Variants in CNDP1 observed in about 807,000 individuals in gnomAD.
CNDP1 encodes the protein carnosine dipeptidase 1, also known as beta-Ala-His dipeptidase.
In CNDP1, 44 loss-of-function variants were observed where a neutral mutation model predicts 58.1. That is an observed-to-expected ratio of 0.76 (90% CI 0.60 to 0.97). The LOEUF (loss-of-function observed/expected upper bound fraction) is 0.97, where lower values mean the gene tolerates loss of function less well. Among genes scored for constraint, CNDP1 ranks in the 50% least tolerant of loss-of-function variants. CNDP1 has a pLI of 0.00. For synonymous variants in CNDP1, 254 were observed against 252.6 expected, an observed-to-expected ratio of 1.01 and a Z score of -0.05; for missense variants, 616 against 655.1, an observed-to-expected ratio of 0.94 and a Z score of 0.65.
intron 2 of CNDP1, among the ~76,000 whole-genome samples, chr18:74,557,742 G>A (rs980786732): frequency 1.3e-5 from 2 of 152,212 alleles, no homozygotes; most frequent in Admixed American, 6.5e-5. Flanking sequence ...GCACAGGACA[G>A]GCATTCAGTA....
chr18:74,543,585 T>C (rs1339833280), intron 1 of CNDP1, among the ~76,000 whole-genome samples: 1 of 151,850 alleles, frequency 6.6e-6, no homozygotes, highest in Non-Finnish European at 1.5e-5. Flanking sequence ...ATCCTGAAAA[T>C]GTAACTAGTT....
chr18:74,555,205 G>C (rs1450099804), intron 1 of CNDP1, among the ~76,000 whole-genome samples: 2 of 152,166 alleles, frequency 1.3e-5, no homozygotes, highest in East Asian at 3.8e-4. Context: ...AAAAATAACA[G>C]AGACAGGCTG....
intron 7 of CNDP1, among the ~76,000 whole-genome samples, chr18:74,573,392 A>G (rs1285849582): frequency 1.7e-5 from 1 of 57,940 alleles, no homozygotes; most frequent in Non-Finnish European, 3.3e-5. Flanking sequence ...CCATTCATCC[A>G]TCCATCTATC....
chr18:74,544,734 A>T (rs915395600), intron 1 of CNDP1, among the ~76,000 whole-genome samples: 1 of 150,672 alleles, frequency 6.6e-6, no homozygotes, highest in African/African-American at 2.4e-5. Flanking sequence ...AAAAAAAAAA[A>T]AAAAAAGGAT....
At chr18:74,581,230 G>GTA (rs1981783472) in intron 10 of CNDP1, among the ~76,000 whole-genome samples, 1 of 129,072 alleles carries the variant, frequency 7.7e-6, no homozygotes, top group Admixed American at 7.1e-5. Flanking sequence ...GTGTGTGTGT[G>GTA]TGTGTGTGTG....
rs187694546 is a variant in CNDP1, at chr18:74,556,985, G to A, written c.153+519G>A. ...GGCTTGAGTGCAGTGGTGAGACCTC[G>A]GCTAACCTCAACTTCCCAGGTTCAG... On this transcript the variant is annotated intron_variant, in intron 2 of 11. Coordinates refer to ENST00000358821, the MANE Select transcript of CNDP1 (RefSeq NM_032649.6). 1.8e-4 allele frequency among the ~76,000 whole-genome samples: 27 copies of A among 149,102 alleles called. No homozygotes were observed. In the East Asian group the frequency reaches 4.6e-3, roughly 25 times the overall value.
chr18:74,543,842 T>G (rs1305009374), intron 1 of CNDP1, among the ~76,000 whole-genome samples: 2 of 152,090 alleles, frequency 1.3e-5, no homozygotes, highest in African/African-American at 4.8e-5. Flanking sequence ...ACTAGCATTT[T>G]GGGAGGCCAA....
intron 7 of CNDP1, among the ~76,000 whole-genome samples, chr18:74,573,191 A>T (rs535490421): frequency 4.9e-4 from 74 of 151,560 alleles, no homozygotes; most frequent in African/African-American, 1.7e-3. Flanking sequence ...TCCATCCATT[A>T]TCTATCTATC....
In CNDP1 at chr18:74,578,168, G is replaced by T. The variant is rs922813317; in HGVS notation, c.1008G>T (p.Glu336Asp). 6.2e-6 allele frequency: 10 copies of T among 1,605,948 alleles called. No individual in the cohort carries two copies. The highest frequency in any genetic ancestry group is 8.5e-6 in the Non-Finnish European group (10 of 1,177,630). ...VEKFLFDTKE[E>D]ILMHLWRYPS... ...ATAATTTTATTTTAATATAGGAGGA[G>T]ATTCTAATGCACCTCTGGAGGTACC... Residue 336 changes from glutamate (E) to aspartate (D), a missense_variant, in exon 9 of 12, where the codon GAG (glutamate) becomes GAT (aspartate). Transcript: ENST00000358821.
intron 1 of CNDP1, among the ~76,000 whole-genome samples, chr18:74,554,743 T>G (rs1257226709): frequency 2.0e-5 from 3 of 152,042 alleles, no homozygotes; most frequent in African/African-American, 2.4e-5. Flanking sequence ...CATGGGGATA[T>G]TTGCTTTACC....
intron 3 of CNDP1, among the ~76,000 whole-genome samples, chr18:74,560,314 C>T (rs563437142): frequency 2.4e-4 from 37 of 152,256 alleles, no homozygotes; most frequent in African/African-American, 8.7e-4. Context: ...GTGCCCGGCC[C>T]GTCTGCATTC....
chr18:74,570,088 A>G (rs1044512490), intron 6 of CNDP1, among the ~76,000 whole-genome samples: 1 of 150,202 alleles, frequency 6.7e-6, no homozygotes, highest in Non-Finnish European at 1.5e-5. Context: ...AGTCCCAGCT[A>G]CTTGGGAGGC....
intron 7 of CNDP1, chr18:74,576,660 G>A (rs983545974): frequency 4.4e-6 from 2 of 453,338 alleles, no homozygotes; most frequent in Admixed American, 4.1e-5. Flanking sequence ...AAAGCAGGGC[G>A]GACTCCAGCT....
Position 74,584,772 on chromosome 18 carries a change from C to A in CNDP1, c.*210C>A. 1.9e-6 allele frequency: 1 copy of A among 524,170 alleles called. No individual in the cohort carries two copies. Among genetic ancestry groups the A allele is most frequent in the Non-Finnish European group, 3.4e-6 (1 of 292,760 alleles). 32.5% of individuals were successfully genotyped at this position (524,170 alleles called of 1,614,324 possible). On this transcript the variant is annotated 3_prime_UTR_variant, in exon 12 of 12. Transcript: ENST00000358821. ...ATGGTTTAAGGTCCCCCACTGCACA[C>A]CTTCCTCAAGTCATAGCTGCTTGCA...
rs545370876 is a variant in CNDP1, at chr18:74,586,847, A to C, written c.*2285A>C. The stretch of plus-strand genomic sequence containing the variant: ...AGCTCCTTGTACTCAAAGGGATAAA[A>C]GAAAGCTACTCAGTTGTTATTCAGA... On this transcript the variant is annotated 3_prime_UTR_variant, in exon 12 of 12. Transcript: ENST00000358821. 2 of 152,366 alleles carry C rather than the reference A, an allele frequency of 1.3e-5. No homozygotes were observed. Among genetic ancestry groups the C allele is most frequent in the Non-Finnish European group, 2.9e-5 (2 of 68,034 alleles). The allele number at this position is 152,366 out of a possible 1,614,324, so 9.4% of individuals were successfully genotyped here.
chr18:74,553,163 A>G (rs140994142), intron 1 of CNDP1, among the ~76,000 whole-genome samples: 1 of 152,350 alleles, frequency 6.6e-6, no homozygotes, highest in African/African-American at 2.4e-5. Context: ...TGTCATTTAT[A>G]GTCTCAACAT....
In CNDP1 at chr18:74,551,920, A is replaced by C. The variant is rs1031442143; in HGVS notation, c.25-4418A>C. On this transcript the variant is annotated intron_variant, in intron 1 of 11. Transcript: ENST00000358821. ...ATTGGATCGATTGCGAAAAAAAAAA[A>C]CAAAAAAAAAACCAGTAGCCACTGT... 5.3e-5 allele frequency among the ~76,000 whole-genome samples: 8 copies of C among 151,296 alleles called. No individual in the cohort carries two copies. In the East Asian group the frequency reaches 5.8e-4, roughly 11 times the overall value.
chr18:74,573,492 T>C (rs1404278556), intron 7 of CNDP1, among the ~76,000 whole-genome samples: 1 of 128,802 alleles, frequency 7.8e-6, no homozygotes, highest in Non-Finnish European at 1.6e-5. Context: ...TATTCTTCTA[T>C]GGCCTTCTAG....
At chr18:74,552,696 T>C (rs1218863365) in intron 1 of CNDP1, among the ~76,000 whole-genome samples, 1 of 152,246 alleles carries the variant, frequency 6.6e-6, no homozygotes, top group Admixed American at 6.5e-5. Context: ...TGAACATTTG[T>C]CTTGTTTCTG....
Sources: gnomAD v4.1 joint callset for allele counts (sites outside exome capture counted in the v4.1 genomes callset) on GRCh38, gnomAD v4.1.1 for gene constraint, MANE v1.5 for transcripts, NCBI Gene and HGNC (gene_info 2026-07-23, HGNC 2026-07-21) for gene names.